SEMA4D: variants seen among roughly 807,000 people sequenced by gnomAD.
The protein encoded by SEMA4D is semaphorin-4D.
A neutral mutation model predicts 74.8 loss-of-function variants in SEMA4D; 22 were observed. The observed-to-expected ratio is 0.29, with a 90% CI of 0.21 to 0.42. The LOEUF (loss-of-function observed/expected upper bound fraction) is 0.42. SEMA4D is among the 10% of genes least tolerant of loss of function. The probability of loss-of-function intolerance (pLI) is 1.00; values close to 1 mark genes in which losing one functional copy is unlikely to be tolerated. For synonymous variants in SEMA4D, 445 were observed against 463.7 expected, an observed-to-expected ratio of 0.96 and a Z score of 0.52; for missense variants, 937 against 1,118.4, an observed-to-expected ratio of 0.84 and a Z score of 2.31.
chr9:89,385,866 G>GGGGGGGGCCCCCCCCCCCCCCCCC, intron 13 of SEMA4D: 1 of 196,224 alleles, frequency 5.1e-6, no homozygotes, highest in Non-Finnish European at 9.0e-6. Flanking sequence ...CAGCGTGGAT[G>GGGGGGGGCCCCCCCCCCCCCCCCC]CCCGCCCACC....
chr9:89,389,910 G>A (rs1163461030), intron 9 of SEMA4D, among the ~76,000 whole-genome samples: 1 of 152,184 alleles, frequency 6.6e-6, no homozygotes, highest in Non-Finnish European at 1.5e-5. Context: ...CGGGCAGCAG[G>A]TGAAGGGTTC....
chr9:89,405,257 G>T, intron 3 of SEMA4D, 94 bp downstream of exon 3: 1 of 1,059,352 alleles, frequency 9.4e-7, no homozygotes, highest in Non-Finnish European at 1.4e-6. Flanking sequence ...AGGAAGTGGG[G>T]TCCCTGTCCC....
chr9:89,413,533 T>C (rs1844990519), intron 2 of SEMA4D, among the ~76,000 whole-genome samples: 1 of 152,258 alleles, frequency 6.6e-6, no homozygotes, highest in Admixed American at 6.5e-5. Context: ...CATAGATATG[T>C]GCACCTATCC....
intron 2 of SEMA4D, among the ~76,000 whole-genome samples, chr9:89,407,541 C>A (rs1843576927): frequency 6.6e-6 from 1 of 152,214 alleles, no homozygotes; most frequent in African/African-American, 2.4e-5. Flanking sequence ...TCCAAACTGA[C>A]ACAACCTCCC....
At chr9:89,370,510 G>T (rs1834411147) in intron 16 of SEMA4D, among the ~76,000 whole-genome samples, 3 of 150,302 alleles carry the variant, frequency 2.0e-5, no homozygotes, top group Admixed American at 2.0e-4. Context: ...GTGTGTGTGT[G>T]ATGCTGGCAT....
At chr9:89,491,595 C>T (rs1825634568) in intron 1 of SEMA4D, among the ~76,000 whole-genome samples, 1 of 150,772 alleles carries the variant, frequency 6.6e-6, no homozygotes, top group Non-Finnish European at 1.5e-5. Context: ...ACAACAACAA[C>T]AACAAACAGA....
chr9:89,425,342 A>G (rs1298638907), intron 2 of SEMA4D, among the ~76,000 whole-genome samples: 1 of 152,116 alleles, frequency 6.6e-6, no homozygotes, highest in Non-Finnish European at 1.5e-5. Context: ...GCCTCCCCTC[A>G]GCTGGTCTTC....
intron 2 of SEMA4D, chr9:89,450,019 C>T (rs3892362): frequency 0.97 from 1,479,201 of 1,518,794 alleles, 722,722 homozygotes; most frequent in Non-Finnish European, 1. Flanking sequence ...GAAGCTGCCC[C>T]ATGCCTGGTC....
intron 6 of SEMA4D, among the ~76,000 whole-genome samples, chr9:89,394,277 C>T (rs761687049): frequency 2.0e-5 from 3 of 152,122 alleles, no homozygotes; most frequent in Non-Finnish European, 4.4e-5. Context: ...ATGCACAGAT[C>T]CAACCACAGA....
intron 2 of SEMA4D, among the ~76,000 whole-genome samples, chr9:89,442,983 G>A (rs914798032): frequency 1.3e-4 from 20 of 152,312 alleles, no homozygotes; most frequent in Admixed American, 2.6e-4. Context: ...GAGCAACCTC[G>A]GATGCCCACC....
chr9:89,490,103 A>G, intron 1 of SEMA4D, among the ~76,000 whole-genome samples: 1 of 151,754 alleles, frequency 6.6e-6, no homozygotes, highest in South Asian at 2.1e-4. Context: ...ACATTTCCCT[A>G]ACAACTAATG....
chr9:89,477,131 C>T (rs1861943740), intron 1 of SEMA4D, among the ~76,000 whole-genome samples: 1 of 152,150 alleles, frequency 6.6e-6, no homozygotes. Context: ...ACTCCTAAAT[C>T]CAAGAAACTC....
chr9:89,402,147 A>G (rs1033839044), intron 4 of SEMA4D, among the ~76,000 whole-genome samples: 1 of 152,232 alleles, frequency 6.6e-6, no homozygotes, highest in African/African-American at 2.4e-5. Context: ...CAGGAGTTTG[A>G]GGCTGCAGTG....
chr9:89,399,626 G>T (rs188017519), intron 4 of SEMA4D, among the ~76,000 whole-genome samples: 13 of 152,286 alleles, frequency 8.5e-5, no homozygotes, highest in Non-Finnish European at 1.9e-4. Context: ...TGAAAGTGGA[G>T]AAAATTAAAT....
At chr9:89,396,312 C>T (rs1840947030) in intron 6 of SEMA4D, among the ~76,000 whole-genome samples, 2 of 152,242 alleles carry the variant, frequency 1.3e-5, no homozygotes, top group Admixed American at 6.5e-5. Flanking sequence ...GACCCAGATG[C>T]CCAGAGCTGC....
chr9:89,424,300 C>T (rs1386653882), intron 2 of SEMA4D, among the ~76,000 whole-genome samples: 1 of 152,200 alleles, frequency 6.6e-6, no homozygotes, highest in Non-Finnish European at 1.5e-5. Flanking sequence ...CGGCCCACAC[C>T]AAGGTGCGGA....
chr9:89,429,588 T>C (rs1848814058), intron 2 of SEMA4D, among the ~76,000 whole-genome samples: 1 of 152,170 alleles, frequency 6.6e-6, no homozygotes, highest in Non-Finnish European at 1.5e-5. Context: ...GCTGTGCTCA[T>C]TCAAATCGGT....
In SEMA4D at chr9:89,388,755, G is replaced by T; in HGVS notation, c.988C>A (p.Leu330Met). 1 of 1,610,006 alleles carries T rather than the reference G, an allele frequency of 6.2e-7. No homozygotes were observed. The change falls in exon 11 of 16, where the codon CTG becomes ATG. Residue 330 changes from leucine to methionine, a missense_variant. Physicochemically the swap from Leu to Met is conservative, Grantham distance 15 (BLOSUM62 2). Coordinates refer to ENST00000422704, the MANE Select transcript of SEMA4D (RefSeq NM_001371194.2). ...GAGAAGACCTCCTCGGCTGTGGACA[G>T]GTTGTAGGCGCACACTGCCGACAGC... Reference protein sequence around the residue: ...VGLSAVCAYNLSTAEEVFSHG... With the variant: ...VGLSAVCAYNMSTAEEVFSHG...
chr9:89,441,399 C>T (rs1851634737), intron 2 of SEMA4D, among the ~76,000 whole-genome samples: 1 of 152,252 alleles, frequency 6.6e-6, no homozygotes, highest in South Asian at 2.1e-4. Context: ...GACAGAACAG[C>T]AGGCAAGACA....
Sources: gnomAD v4.1 joint callset for allele counts (sites outside exome capture counted in the v4.1 genomes callset) on GRCh38, gnomAD v4.1.1 for gene constraint, MANE v1.5 for transcripts, NCBI Gene and HGNC (gene_info 2026-07-23, HGNC 2026-07-21) for gene names.